GALNTL6: variants seen among roughly 807,000 people sequenced by gnomAD.
GALNTL6 encodes the protein polypeptide N-acetylgalactosaminyltransferase-like 6.
Under a neutral mutation model 73.7 loss-of-function variants are expected in GALNTL6, and 46 were observed. The ratio of observed to expected loss-of-function variants is 0.62; its 90% CI spans 0.49 to 0.80. GALNTL6 has a LOEUF of 0.80. Ranked by LOEUF, GALNTL6 falls within the 30% of genes least tolerant of loss-of-function variation. The pLI is 0.00. For synonymous variants in GALNTL6, 259 were observed against 263.7 expected, an observed-to-expected ratio of 0.98 and a Z score of 0.17; for missense variants, 604 against 755.0, an observed-to-expected ratio of 0.80 and a Z score of 2.34.
rs181214872 is a variant in GALNTL6 at position 172,685,363 on chromosome 4, A to G, written c.554-123998A>G. Reference sequence around the variant, plus strand: ...GAAGACATAATTGCTAATATTATATAAACTGAGCCAATACAGCTCTCAGGA... The same window carrying G: ...GAAGACATAATTGCTAATATTATATGAACTGAGCCAATACAGCTCTCAGGA... On this transcript the variant is annotated intron_variant, in intron 5 of 12. Transcript: ENST00000506823. Among the ~76,000 whole-genome samples the G allele has an allele frequency of 9.8e-5, 15 of 152,328 alleles. No individual in the cohort carries two copies. The East Asian group carries it at 2.9e-3, about 29-fold the overall frequency.
At chr4:172,854,710 G>A (rs570843398) in intron 7 of GALNTL6, among the ~76,000 whole-genome samples, 1 of 152,204 alleles carries the variant, frequency 6.6e-6, no homozygotes, top group East Asian at 1.9e-4. Flanking sequence ...CTATGAAAAT[G>A]TTCCTGACCT....
At chr4:172,151,780 A>C (rs987278755) in intron 2 of GALNTL6, among the ~76,000 whole-genome samples, 1 of 151,960 alleles carries the variant, frequency 6.6e-6, no homozygotes, top group Non-Finnish European at 1.5e-5. Flanking sequence ...CTCCCACGTG[A>C]TGCTGCTGCT....
At chr4:172,386,861 A>C (rs1041187061) in intron 5 of GALNTL6, among the ~76,000 whole-genome samples, 1 of 152,090 alleles carries the variant, frequency 6.6e-6, no homozygotes, top group African/African-American at 2.4e-5. Flanking sequence ...CACTCAACCT[A>C]CCAACTCAAA....
chr4:172,072,100 T>C (rs187419170), intron 2 of GALNTL6, among the ~76,000 whole-genome samples: 32 of 152,264 alleles, frequency 2.1e-4, no homozygotes, highest in African/African-American at 7.0e-4. Flanking sequence ...TTGCTGCAGA[T>C]TGTGGGTCAG....
At chr4:172,308,296 T>A (rs1320162875) in intron 3 of GALNTL6, among the ~76,000 whole-genome samples, 1 of 151,926 alleles carries the variant, frequency 6.6e-6, no homozygotes, top group Non-Finnish European at 1.5e-5. Context: ...ACTTCCTTTT[T>A]ACCAACTTGG....
At chr4:172,295,898 G>A (rs1014489506) in intron 3 of GALNTL6, among the ~76,000 whole-genome samples, 6 of 151,762 alleles carry the variant, frequency 4.0e-5, no homozygotes, top group East Asian at 1.9e-4. Context: ...GTATACACTC[G>A]TTATCAAAAA....
chr4:172,090,688 C>T (rs1732177981), intron 2 of GALNTL6, among the ~76,000 whole-genome samples: 2 of 152,040 alleles, frequency 1.3e-5, no homozygotes, highest in African/African-American at 4.8e-5. Context: ...TGCAGAAGCT[C>T]TTTAGTTTAA....
At chr4:171,936,460 T>A (rs1738348089) in intron 2 of GALNTL6, among the ~76,000 whole-genome samples, 1 of 152,152 alleles carries the variant, frequency 6.6e-6, no homozygotes, top group Non-Finnish European at 1.5e-5. Flanking sequence ...GCCAAGAACA[T>A]TTTTGTAAGA....
intron 5 of GALNTL6, among the ~76,000 whole-genome samples, chr4:172,474,908 C>T (rs1240573309): frequency 6.6e-6 from 1 of 152,088 alleles, no homozygotes. Flanking sequence ...AACTTATTGC[C>T]TCTACCAAAT....
chr4:171,827,269 A>T (rs766998542), intron 2 of GALNTL6, among the ~76,000 whole-genome samples: 3 of 152,108 alleles, frequency 2.0e-5, no homozygotes, highest in Non-Finnish European at 4.4e-5. Flanking sequence ...ATCTAAGGGG[A>T]TCTTATGGCT....
intron 10 of GALNTL6, among the ~76,000 whole-genome samples, chr4:173,003,331 T>C (rs933171232): frequency 2.0e-5 from 3 of 152,106 alleles, no homozygotes; most frequent in Non-Finnish European, 2.9e-5. Flanking sequence ...TCTTGGGGGA[T>C]TGTGTAAGAC....
chr4:171,912,040 G>C (rs1468999357), intron 2 of GALNTL6, among the ~76,000 whole-genome samples: 1 of 151,908 alleles, frequency 6.6e-6, no homozygotes, highest in Non-Finnish European at 1.5e-5. Flanking sequence ...GAATTCTTCT[G>C]CTTAATCTTA....
At chr4:172,939,599 A>G (rs2610191) in intron 9 of GALNTL6, among the ~76,000 whole-genome samples, 19,790 of 152,224 alleles carry the variant, frequency 0.13, 1,461 homozygotes, top group African/African-American at 0.19. Context: ...TGCACACAGC[A>G]TGCTACATAT....
chr4:172,994,364 G>C (rs559079732), intron 10 of GALNTL6, among the ~76,000 whole-genome samples: 1 of 152,212 alleles, frequency 6.6e-6, no homozygotes, highest in African/African-American at 2.4e-5. Flanking sequence ...CAACAGTTTA[G>C]GTCCCCATTA....
chr4:172,335,916 A>G (rs554549235), intron 4 of GALNTL6, among the ~76,000 whole-genome samples: 24 of 152,234 alleles, frequency 1.6e-4, no homozygotes, highest in African/African-American at 5.3e-4. Flanking sequence ...GATCCTTTGT[A>G]TAAATTTCTG....
intron 5 of GALNTL6, among the ~76,000 whole-genome samples, chr4:172,400,053 C>A (rs980252362): frequency 2.6e-5 from 4 of 152,132 alleles, no homozygotes; most frequent in East Asian, 1.9e-4. Flanking sequence ...CACCCTTACA[C>A]CAGATTTTTC....
chr4:172,065,480 A>G (rs1731330398), intron 2 of GALNTL6, among the ~76,000 whole-genome samples: 1 of 152,096 alleles, frequency 6.6e-6, no homozygotes, highest in South Asian at 2.1e-4. Context: ...GAAATTCCCA[A>G]TTCAAATGTA....
At chr4:171,819,402 C>CA (rs1474010612) in intron 2 of GALNTL6, among the ~76,000 whole-genome samples, 2 of 151,812 alleles carry the variant, frequency 1.3e-5, no homozygotes, top group African/African-American at 4.8e-5. Context: ...ACAATCTGGT[C>CA]AAAAAAATAA....
intron 5 of GALNTL6, among the ~76,000 whole-genome samples, chr4:172,421,173 A>G (rs898498955): frequency 6.6e-6 from 1 of 152,140 alleles, no homozygotes; most frequent in African/African-American, 2.4e-5. Context: ...ATAAAATAAA[A>G]TAAAGTAAAA....
Sources: gnomAD v4.1 joint callset for allele counts (sites outside exome capture counted in the v4.1 genomes callset) on GRCh38, gnomAD v4.1.1 for gene constraint, MANE v1.5 for transcripts, NCBI Gene and HGNC (gene_info 2026-07-23, HGNC 2026-07-21) for gene names.